The following LIPC variants were observed in gnomAD, a reference collection of about 807,000 sequenced individuals.
The protein encoded by LIPC is hepatic triacylglycerol lipase.
LIPC carries 44 observed loss-of-function variants against 50.7 expected under a neutral mutation model. The observed-to-expected ratio is 0.87, with a 90% confidence interval of 0.68 to 1.11. LIPC has a LOEUF of 1.11. LIPC is among the 50% of genes most tolerant of loss of function. LIPC has a pLI of 0.00. For synonymous variants in LIPC, 271 were observed against 256.4 expected (o/e 1.06, Z -0.54); for missense variants, 697 against 648.2 (o/e 1.08, Z -0.82).
intron 1 of LIPC, among the ~76,000 whole-genome samples, chr15:58,466,965 A>G (rs534759163): frequency 6.6e-6 from 1 of 152,232 alleles, no homozygotes; most frequent in East Asian, 1.9e-4. Context: ...TCAGACACCC[A>G]TTGTCTTGTC....
In LIPC at chr15:58,560,941, C is replaced by T. The variant is rs202150291; in HGVS notation, c.1129C>T (p.Leu377Phe). 20 of 1,573,242 alleles carry T rather than the reference C, an allele frequency of 1.3e-5. No individual in the cohort carries two copies. The highest frequency in any genetic ancestry group is 2.2e-5 in the East Asian group (1 of 44,692). The change falls in exon 7 of 9, where the codon CTC becomes TTC. Residue 377 changes from leucine to phenylalanine, a missense_variant. Transcript: ENST00000299022. ...ACAAACAACTTTTACCATGTCACTA[C>T]TCGGAACAAAAGAGAAAATGCAGAA... is the stretch of plus-strand genomic sequence containing the variant. The part of the protein sequence containing the change: ...PIQTTFTMSL[L>F]GTKEKMQKIP...
chr15:58,540,775 T>C (rs181391062), intron 2 of LIPC, among the ~76,000 whole-genome samples: 114 of 152,234 alleles, frequency 7.5e-4, no homozygotes, highest in African/African-American at 2.7e-3. Flanking sequence ...CACTACCACA[T>C]TCACCTGCCC....
At chr15:58,546,159 C>G (rs942569058) in intron 5 of LIPC, among the ~76,000 whole-genome samples, 184 bp downstream of exon 5, 48 of 152,326 alleles carry the variant, frequency 3.2e-4, no homozygotes, top group African/African-American at 9.9e-4. Context: ...TGCCTGTCCC[C>G]CAGCAGGCCA....
At chr15:58,463,763 T>G (rs1894435410) in intron 1 of LIPC, among the ~76,000 whole-genome samples, 1 of 152,184 alleles carries the variant, frequency 6.6e-6, no homozygotes, top group Non-Finnish European at 1.5e-5. Flanking sequence ...ATCACTCCCT[T>G]AGGACCCCTC....
At chr15:58,510,192 A>G (rs557305493) in intron 1 of LIPC, among the ~76,000 whole-genome samples, 1 of 152,348 alleles carries the variant, frequency 6.6e-6, no homozygotes, top group East Asian at 1.9e-4. Flanking sequence ...TGGGAAACAG[A>G]TACTTTATGT....
At chr15:58,432,671 G>T (rs1421823927) in intron 1 of LIPC, among the ~76,000 whole-genome samples, 1 of 152,216 alleles carries the variant, frequency 6.6e-6, no homozygotes. Flanking sequence ...CGTCCTGCCT[G>T]TTTTGTTTGT....
At chr15:58,503,466 A>G (rs934830128) in intron 1 of LIPC, among the ~76,000 whole-genome samples, 35 of 152,180 alleles carry the variant, frequency 2.3e-4, no homozygotes, top group African/African-American at 8.0e-4. Flanking sequence ...CCAAGGAATC[A>G]TTGGCAGGAC....
In LIPC at chr15:58,432,220, T is replaced by G. The variant is rs144054679; in HGVS notation, c.88+100T>G. On this transcript the variant is annotated intron_variant, in intron 1 of 8. Coordinates refer to ENST00000299022, the MANE Select transcript of LIPC (RefSeq NM_000236.3). Reference sequence around the variant, plus strand: ...GTTTCTGACTGTATGGGACAGAGCTTGCTTCAGAGCGTGCCAGGTGGTTCT... The same window carrying G: ...GTTTCTGACTGTATGGGACAGAGCTGGCTTCAGAGCGTGCCAGGTGGTTCT... 8.9e-5 allele frequency: 81 copies of G among 914,200 alleles called. No homozygotes were observed. The African/African-American group carries it at 1.2e-3, about 14-fold the overall frequency. The allele number at this position is 914,200 out of a possible 1,614,324, so 56.6% of individuals were successfully genotyped here.
At chr15:58,517,076 G>A (rs1371056301) in intron 1 of LIPC, among the ~76,000 whole-genome samples, 2 of 152,230 alleles carry the variant, frequency 1.3e-5, no homozygotes, top group African/African-American at 4.8e-5. Flanking sequence ...TTTGCCCCTT[G>A]AATCCAAACA....
chr15:58,565,100 A>G (rs1894315489), intron 8 of LIPC: 2 of 1,204,492 alleles, frequency 1.7e-6, no homozygotes, highest in Non-Finnish European at 2.3e-6. Flanking sequence ...CCTTTATACA[A>G]CCGCACTCTG....
At chr15:58,434,157 A>G (rs1475589390) in intron 1 of LIPC, among the ~76,000 whole-genome samples, 3 of 152,136 alleles carry the variant, frequency 2.0e-5, no homozygotes, top group East Asian at 3.9e-4. Context: ...TTCACATCCT[A>G]CAATGCACAG....
At position 58,445,885 on chromosome 15, in the gene LIPC, T is replaced by TA. The variant is rs796705636; in HGVS notation, c.88+13766dup. Among the ~76,000 whole-genome samples the TA allele has an allele frequency of 6.5e-4, 99 of 152,382 alleles. 2 individuals are homozygous for TA. Among genetic ancestry groups the TA allele is most frequent in the African/African-American group, 2.2e-3 (91 of 41,582 alleles). ...CACAAAACTAACGTGTGTACGCATC[T>TA]ATTTACTAAATAGTCATATAATACT... On this transcript the variant is annotated intron_variant, in intron 1 of 8. Transcript: ENST00000299022.
At chr15:58,438,086 C>T (rs1169613860) in intron 1 of LIPC, among the ~76,000 whole-genome samples, 3 of 152,156 alleles carry the variant, frequency 2.0e-5, no homozygotes, top group Non-Finnish European at 1.5e-5. Flanking sequence ...GACCCGAAAA[C>T]ATGAATCGCC....
intron 6 of LIPC, among the ~76,000 whole-genome samples, chr15:58,550,565 C>T (rs565686292): frequency 3.9e-5 from 6 of 152,136 alleles, no homozygotes; most frequent in African/African-American, 1.2e-4. Flanking sequence ...CCAAAACCAA[C>T]GTACTCATCC....
intron 1 of LIPC, among the ~76,000 whole-genome samples, chr15:58,484,375 C>T (rs1040974719): frequency 6.6e-6 from 1 of 152,204 alleles, no homozygotes; most frequent in Non-Finnish European, 1.5e-5. Flanking sequence ...GAAGTGGACA[C>T]GAGCACATCT....
Position 58,477,271 on chromosome 15 carries a change from C to T in LIPC, c.88+45151C>T, listed in dbSNP as rs527633562. ...ATATGTCTTTGGATGGGGTAAAGCACTTCTGAGGGAAGCTACGTGAGCCAC... is the reference window on the plus strand; with the variant it reads ...ATATGTCTTTGGATGGGGTAAAGCATTTCTGAGGGAAGCTACGTGAGCCAC... On this transcript the variant is annotated intron_variant, in intron 1 of 8. Transcript: ENST00000299022. Among the ~76,000 whole-genome samples the T allele has an allele frequency of 3.3e-5, 5 of 152,272 alleles. No homozygotes were observed. In the South Asian group the frequency reaches 8.3e-4, roughly 25 times the overall value.
intron 1 of LIPC, among the ~76,000 whole-genome samples, chr15:58,434,062 G>C (rs1387349655): frequency 1.3e-5 from 2 of 152,178 alleles, no homozygotes; most frequent in African/African-American, 2.4e-5. Context: ...GCAATGTCTG[G>C]AGACATTTTT....
chr15:58,542,737 A>G, intron 4 of LIPC, 86 bp downstream of exon 4: 1 of 845,784 alleles, frequency 1.2e-6, no homozygotes, highest in Non-Finnish European at 2.1e-6. Flanking sequence ...GCTCATCATT[A>G]AAACACCCCA....
intron 1 of LIPC, among the ~76,000 whole-genome samples, chr15:58,501,968 G>A (rs1311593188): frequency 6.6e-6 from 1 of 152,126 alleles, no homozygotes; most frequent in African/African-American, 2.4e-5. Context: ...TGAAATTCCA[G>A]CTCACCCACT....
Sources: gnomAD v4.1 joint callset for allele counts (sites outside exome capture counted in the v4.1 genomes callset) on GRCh38, gnomAD v4.1.1 for gene constraint, MANE v1.5 for transcripts, NCBI Gene and HGNC (gene_info 2026-07-23, HGNC 2026-07-21) for gene names.